Variants in MYO1B observed in about 807,000 individuals in gnomAD.
MYO1B encodes the protein unconventional myosin-Ib.
A neutral mutation model predicts 159.7 loss-of-function variants in MYO1B; 72 were observed. The ratio of observed to expected loss-of-function variants is 0.45; its 90% CI spans 0.37 to 0.55. The LOEUF (loss-of-function observed/expected upper bound fraction) is 0.55, where lower values mean the gene tolerates loss of function less well. Ranked by LOEUF, MYO1B falls within the 20% of genes least tolerant of loss-of-function variation. The pLI is 0.00. For synonymous variants in MYO1B, 468 were observed against 473.8 expected, an observed-to-expected ratio of 0.99 and a Z score of 0.16; for missense variants, 1,062 against 1,364.8, an observed-to-expected ratio of 0.78 and a Z score of 3.50.
chr2:191,367,823 C>T (rs755941842), intron 11 of MYO1B, among the ~76,000 whole-genome samples: 38 of 152,146 alleles, frequency 2.5e-4, no homozygotes, highest in Non-Finnish European at 4.6e-4. Context: ...AAGGATACTT[C>T]AGAAATCAAT....
chr2:191,417,828 C>T (rs573495041), intron 30 of MYO1B, among the ~76,000 whole-genome samples: 49 of 152,288 alleles, frequency 3.2e-4, no homozygotes, highest in African/African-American at 1.1e-3. Flanking sequence ...GCGGGGATAG[C>T]GTGTGGCGTG....
At chr2:191,423,727 C>T (rs369965856) in intron 30 of MYO1B, 110 bp from the exon 31 acceptor site, 8 of 1,207,552 alleles carry the variant, frequency 6.6e-6, no homozygotes, top group South Asian at 4.0e-5. Flanking sequence ...GTTAGGGATG[C>T]GCAGCCTGTA....
intron 24 of MYO1B, 117 bp from the exon 25 acceptor site, chr2:191,407,998 G>T: frequency 1.8e-6 from 1 of 566,074 alleles, no homozygotes. Flanking sequence ...ACTAAATCTA[G>T]AAAGGACACT....
intron 30 of MYO1B, 127 bp downstream of exon 30, chr2:191,416,369 C>T: frequency 8.8e-7 from 1 of 1,139,122 alleles, no homozygotes; most frequent in Non-Finnish European, 1.3e-6. Context: ...AGTTGTTCCA[C>T]ATGATAAATG....
chr2:191,403,159 C>G (rs1382899376), intron 24 of MYO1B, among the ~76,000 whole-genome samples: 1 of 152,188 alleles, frequency 6.6e-6, no homozygotes, highest in East Asian at 1.9e-4. Context: ...GAGCTTTCTT[C>G]AGAGCGACCA....
intron 7 of MYO1B, among the ~76,000 whole-genome samples, chr2:191,359,311 G>T (rs542495207): frequency 8.5e-5 from 2 of 23,448 alleles, no homozygotes; most frequent in African/African-American, 1.7e-4. Flanking sequence ...CAACCTTTGG[G>T]GTTTTTTTTT....
In MYO1B at chr2:191,299,761, A is replaced by G. The variant is rs763693431; in HGVS notation, c.251+3535A>G. 6.6e-5 allele frequency among the ~76,000 whole-genome samples: 10 copies of G among 152,218 alleles called. No homozygotes were observed. In the South Asian group the frequency reaches 1.2e-3, roughly 19 times the overall value. On this transcript the variant is annotated intron_variant, in intron 3 of 30. Transcript: ENST00000392318. ...TGAGCAAATTACTTGAAAAACTTCA[A>G]CTCAGAGAAATTAAGTAATTAGCTT...
At chr2:191,323,607 A>G (rs553357004) in intron 3 of MYO1B, among the ~76,000 whole-genome samples, 24 of 152,260 alleles carry the variant, frequency 1.6e-4, no homozygotes, top group African/African-American at 5.1e-4. Context: ...GAAATTTCAC[A>G]AAAATATTGT....
chr2:191,378,311 A>G (rs1278681437), intron 13 of MYO1B, among the ~76,000 whole-genome samples: 2 of 152,128 alleles, frequency 1.3e-5, no homozygotes, highest in Non-Finnish European at 2.9e-5. Context: ...TTCTTTGAGC[A>G]ACATGGCTGT....
intron 30 of MYO1B, among the ~76,000 whole-genome samples, chr2:191,421,044 T>G (rs1441508327): frequency 6.6e-6 from 1 of 151,382 alleles, no homozygotes; most frequent in Non-Finnish European, 1.5e-5. Flanking sequence ...CAATATATCT[T>G]GCCTATTGTT....
Position 191,314,177 on chromosome 2 carries a change from C to A in MYO1B, c.252-15758C>A, listed in dbSNP as rs576355052. Among the ~76,000 whole-genome samples, 10 of 152,276 alleles carry A rather than the reference C, an allele frequency of 6.6e-5. No homozygotes were observed. The South Asian group carries it at 2.1e-3, about 32-fold the overall frequency. The stretch of plus-strand genomic sequence containing the variant: ...TAATAATTGTAATCATGGTGAATTT[C>A]CACATTTCCAGTTTAATTTTATTTG... On this transcript the variant is annotated intron_variant, in intron 3 of 30. Coordinates refer to ENST00000392318, the MANE Select transcript of MYO1B (RefSeq NM_001130158.3).
chr2:191,317,873 T>G (rs1690454087), intron 3 of MYO1B, among the ~76,000 whole-genome samples: 1 of 152,238 alleles, frequency 6.6e-6, no homozygotes, highest in Non-Finnish European at 1.5e-5. Context: ...TCTACTGAAA[T>G]AACATTTTAT....
At chr2:191,345,686 T>C (rs2125969647) in intron 5 of MYO1B, among the ~76,000 whole-genome samples, 1 of 152,360 alleles carries the variant, frequency 6.6e-6, no homozygotes, top group East Asian at 1.9e-4. Context: ...ACTTGTAGCC[T>C]ATTGGAAATG....
intron 19 of MYO1B, 106 bp downstream of exon 19, chr2:191,392,307 G>A: frequency 1.4e-6 from 1 of 705,420 alleles, no homozygotes; most frequent in Non-Finnish European, 2.3e-6. Context: ...CACCATGAAT[G>A]CCACAAAACA....
intron 1 of MYO1B, among the ~76,000 whole-genome samples, chr2:191,254,734 C>G (rs1382708977): frequency 6.6e-6 from 1 of 152,108 alleles, no homozygotes; most frequent in Non-Finnish European, 1.5e-5. Flanking sequence ...TCAATCAGTT[C>G]TCCTGCCTTG....
intron 14 of MYO1B, among the ~76,000 whole-genome samples, chr2:191,381,854 T>TA (rs928401200): frequency 6.6e-6 from 1 of 152,188 alleles, no homozygotes; most frequent in East Asian, 1.9e-4. Flanking sequence ...TGCCAAAACT[T>TA]AGAGAACTGT....
chr2:191,326,247 C>T (rs1457776165), intron 3 of MYO1B, among the ~76,000 whole-genome samples: 1 of 152,074 alleles, frequency 6.6e-6, no homozygotes, highest in African/African-American at 2.4e-5. Flanking sequence ...TACAGAGTGG[C>T]TTGGAAGACT....
chr2:191,342,336 C>T (rs1396620516), intron 5 of MYO1B, among the ~76,000 whole-genome samples: 1 of 152,170 alleles, frequency 6.6e-6, no homozygotes, highest in Non-Finnish European at 1.5e-5. Context: ...TGATTCCTTC[C>T]CACAAGCCCC....
At chr2:191,413,541 G>A (rs1697377752) in intron 27 of MYO1B, among the ~76,000 whole-genome samples, 1 of 152,136 alleles carries the variant, frequency 6.6e-6, no homozygotes, top group Admixed American at 6.6e-5. Context: ...GATTGCCCTG[G>A]ATCTGTTCTT....
Sources: allele counts gnomAD v4.1 joint callset (sites outside exome capture counted in the v4.1 genomes callset), GRCh38; gene constraint gnomAD v4.1.1; transcripts MANE v1.5; gene names NCBI Gene and HGNC (gene_info 2026-07-23, HGNC 2026-07-21).